IL1RAP: variants seen among roughly 807,000 people sequenced by gnomAD.
IL1RAP encodes the protein interleukin-1 receptor accessory protein.
In IL1RAP, 35 loss-of-function variants were observed where a neutral mutation model predicts 60.7. That is an observed-to-expected ratio of 0.58 (90% CI 0.44 to 0.76). The LOEUF is 0.76. Among genes scored for constraint, IL1RAP ranks in the 30% least tolerant of loss-of-function variants. The pLI is 0.00. For synonymous variants in IL1RAP, 268 were observed against 250.9 expected, an observed-to-expected ratio of 1.07 and a Z score of -0.64; for missense variants, 572 against 693.9, an observed-to-expected ratio of 0.82 and a Z score of 1.97.
Position 190,629,569 on chromosome 3 carries a change from A to T in IL1RAP, c.1051+71A>T, listed in dbSNP as rs547198945. 21 of 1,526,378 alleles carry T rather than the reference A, an allele frequency of 1.4e-5. No individual in the cohort carries two copies. In the South Asian group the frequency reaches 2.5e-4, roughly 18 times the overall value. 94.6% of individuals were successfully genotyped at this position (1,526,378 alleles called of 1,614,324 possible). A position where few individuals can be genotyped will look rare whatever the true frequency, so the allele number is the denominator to read the frequency against. The stretch of plus-strand genomic sequence containing the variant: ...TTGTGGTGAATAAGGACAAAAGGAG[A>T]GATTGAGAACAAGAGAGCTCCAGCA... On this transcript the variant is annotated intron_variant, in intron 9 of 11. Transcript: ENST00000447382.
At chr3:190,626,605 T>C (rs985761077) in intron 7 of IL1RAP, among the ~76,000 whole-genome samples, 1 of 145,972 alleles carries the variant, frequency 6.9e-6, no homozygotes, top group Non-Finnish European at 1.5e-5. Flanking sequence ...TTGAGGAAAA[T>C]AACAAAGGAG....
At chr3:190,547,317 G>C (rs1246427136) in intron 1 of IL1RAP, among the ~76,000 whole-genome samples, 1 of 152,158 alleles carries the variant, frequency 6.6e-6, no homozygotes, top group Non-Finnish European at 1.5e-5. Flanking sequence ...AGTGTGATCT[G>C]GTGGACTGAG....
intron 1 of IL1RAP, among the ~76,000 whole-genome samples, chr3:190,522,977 A>G (rs1316786647): frequency 6.6e-6 from 1 of 152,138 alleles, no homozygotes; most frequent in African/African-American, 2.4e-5. Context: ...TAACTTTTCT[A>G]TGTTACTCAT....
At chr3:190,560,572 C>G (rs1468776666) in intron 2 of IL1RAP, among the ~76,000 whole-genome samples, 1 of 152,148 alleles carries the variant, frequency 6.6e-6, no homozygotes, top group Admixed American at 6.5e-5. Flanking sequence ...GATCAGGAAA[C>G]TGAGGGACAA....
intron 1 of IL1RAP, among the ~76,000 whole-genome samples, chr3:190,553,653 G>C (rs557766050): frequency 2.0e-5 from 3 of 152,264 alleles, no homozygotes; most frequent in African/African-American, 7.2e-5. Flanking sequence ...AGAAGGAAAA[G>C]GCCAAGGAAA....
intron 3 of IL1RAP, among the ~76,000 whole-genome samples, chr3:190,581,503 G>A (rs952043881): frequency 5.9e-5 from 9 of 152,170 alleles, no homozygotes; most frequent in South Asian, 4.1e-4. Context: ...ACAAGAATCC[G>A]TATTTCCAAA....
chr3:190,518,295 A>G (rs3773996), intron 1 of IL1RAP, among the ~76,000 whole-genome samples: 6,781 of 152,228 alleles, frequency 0.045, 488 homozygotes, highest in East Asian at 0.35. Flanking sequence ...TAGAAGCTTA[A>G]GTCCCTATTT....
At chr3:190,642,952 T>C (rs1223992163) in intron 9 of IL1RAP, among the ~76,000 whole-genome samples, 1 of 152,194 alleles carries the variant, frequency 6.6e-6, no homozygotes, top group East Asian at 1.9e-4. Flanking sequence ...ATAAAGCAAC[T>C]AAATAAAATT....
At chr3:190,545,608 C>A (rs977725530) in intron 1 of IL1RAP, among the ~76,000 whole-genome samples, 3 of 152,172 alleles carry the variant, frequency 2.0e-5, no homozygotes, top group African/African-American at 7.2e-5. Context: ...GGCTCTCTAA[C>A]ACAAACTTTT....
At chr3:190,604,094 AT>A in intron 3 of IL1RAP, 33 bp from the exon 4 acceptor site, 1 of 1,599,746 alleles carries the variant, frequency 6.3e-7, no homozygotes, top group South Asian at 1.1e-5. Context: ...AAAATGACTC[AT>A]CTGCCCCTTT....
intron 3 of IL1RAP, among the ~76,000 whole-genome samples, chr3:190,568,738 A>G (rs1239853584): frequency 6.6e-6 from 1 of 152,180 alleles, no homozygotes; most frequent in Non-Finnish European, 1.5e-5. Context: ...CAGTTTCTTG[A>G]TTTTTATGAA....
At chr3:190,643,477 A>C (rs1472984161) in intron 9 of IL1RAP, among the ~76,000 whole-genome samples, 1 of 152,212 alleles carries the variant, frequency 6.6e-6, no homozygotes, top group African/African-American at 2.4e-5. Flanking sequence ...TAAGTACTGG[A>C]GAATTACCTC....
In IL1RAP at chr3:190,648,868, C is replaced by G. The variant is rs140954240; in HGVS notation, c.*163C>G. 2.3e-4 allele frequency: 320 copies of G among 1,415,844 alleles called. No homozygotes were observed. The African/African-American group carries it at 4.0e-3, about 18-fold the overall frequency. 87.7% of individuals were successfully genotyped at this position (1,415,844 alleles called of 1,614,324 possible). A position where few individuals can be genotyped will look rare whatever the true frequency, so the allele number is the denominator to read the frequency against. On this transcript the variant is annotated 3_prime_UTR_variant, in exon 12 of 12. Transcript: ENST00000447382. ...TGTGTGGCTGACTATTCTGCTTCCT[C>G]AGGCAACACTAAAGTTTAGAAAGAT... is the stretch of plus-strand genomic sequence containing the variant.
chr3:190,651,244 T>C lies in IL1RAP; in HGVS notation c.*2539T>C. 7 of 975,008 alleles carry C rather than the reference T, an allele frequency of 7.2e-6. No homozygotes were observed. The highest frequency in any genetic ancestry group is 8.5e-6 in the Non-Finnish European group (7 of 820,474). 60.4% of individuals were successfully genotyped at this position (975,008 alleles called of 1,614,324 possible). A position where few individuals can be genotyped will look rare whatever the true frequency, so the allele number is the denominator to read the frequency against. ...CCCAGGTTAACAAAGAACTGTGATA[T>C]ATAGAGTGTCTAATTACAAAATCAT... On this transcript the variant is annotated 3_prime_UTR_variant, in exon 12 of 12. Transcript: ENST00000447382.
chr3:190,585,303 C>T (rs1004790712), intron 3 of IL1RAP, among the ~76,000 whole-genome samples: 1 of 152,132 alleles, frequency 6.6e-6, no homozygotes, highest in Non-Finnish European at 1.5e-5. Flanking sequence ...AGCAAAAGGA[C>T]CACATCAGAA....
At chr3:190,655,417 A>G (rs1050350938), downstream of IL1RAP, among the ~76,000 whole-genome samples, 5 of 152,222 alleles carry the variant, frequency 3.3e-5, no homozygotes, top group African/African-American at 9.6e-5. Context: ...TATTCTAAAC[A>G]TTTAAAGACT....
intron 3 of IL1RAP, among the ~76,000 whole-genome samples, chr3:190,580,563 A>G (rs1357182944): frequency 2.0e-5 from 3 of 152,194 alleles, no homozygotes; most frequent in African/African-American, 7.2e-5. Flanking sequence ...CAGACACTAC[A>G]TGATGCTATT....
downstream of IL1RAP, chr3:190,655,983 G>A (rs1368972374): frequency 1.3e-6 from 2 of 1,537,214 alleles, no homozygotes; most frequent in South Asian, 2.4e-5. Context: ...GCATCAGCAT[G>A]CTGGAGTTTA....
intron 3 of IL1RAP, among the ~76,000 whole-genome samples, chr3:190,589,072 G>A (rs1043396141): frequency 6.6e-6 from 1 of 152,168 alleles, no homozygotes; most frequent in Non-Finnish European, 1.5e-5. Flanking sequence ...AATGTGTCAT[G>A]GGGCTGGATG....
Sources: gnomAD v4.1 joint callset for allele counts (sites outside exome capture counted in the v4.1 genomes callset) on GRCh38, gnomAD v4.1.1 for gene constraint, MANE v1.5 for transcripts, NCBI Gene and HGNC (gene_info 2026-07-23, HGNC 2026-07-21) for gene names.